The following RNF17 variants were observed in gnomAD, a reference collection of about 807,000 sequenced individuals.
RNF17 encodes spermatogenesis associated 23.
In RNF17, 31 loss-of-function variants were observed where a neutral mutation model predicts 200.5. The ratio of observed to expected loss-of-function variants is 0.15; its 90% CI spans 0.12 to 0.21. RNF17 has a LOEUF of 0.21. RNF17 is among the 10% of genes least tolerant of loss of function. The pLI, the probability that RNF17 is intolerant of heterozygous loss-of-function variation, is 1.00. For missense variants in RNF17, 1,628 were observed against 1,905.1 expected (o/e 0.85, Z 2.71); for synonymous variants, 606 against 637.8 (o/e 0.95, Z 0.75).
intron 1 of RNF17, among the ~76,000 whole-genome samples, chr13:24,765,358 C>T (rs182645650): frequency 1.3e-5 from 2 of 152,316 alleles, no homozygotes; most frequent in East Asian, 3.9e-4. Context: ...TTAGTGTGCT[C>T]TTAATACAGC....
chr13:24,864,798 T>TA, intron 28 of RNF17, 75 bp from the exon 29 acceptor site: 2 of 1,068,626 alleles, frequency 1.9e-6, no homozygotes, highest in South Asian at 2.9e-5. Flanking sequence ...GAAGCTAAAT[T>TA]TGATATTTGC....
At chr13:24,791,313 T>A (rs1422352789) in intron 9 of RNF17, among the ~76,000 whole-genome samples, 4 of 152,084 alleles carry the variant, frequency 2.6e-5, no homozygotes, top group African/African-American at 9.7e-5. Flanking sequence ...GGAAAATTAA[T>A]AAAACTCAGT....
chr13:24,850,057 A>G (rs1158880415), intron 22 of RNF17, among the ~76,000 whole-genome samples: 2 of 152,196 alleles, frequency 1.3e-5, no homozygotes, highest in African/African-American at 2.4e-5. Context: ...AGTATTTAAA[A>G]TATACCTGTT....
chr13:24,873,172 C>T (rs1218140382), intron 32 of RNF17, among the ~76,000 whole-genome samples: 4 of 144,426 alleles, frequency 2.8e-5, no homozygotes, highest in African/African-American at 4.9e-5. Flanking sequence ...TGATGGCCCA[C>T]GCTAGAAGAG....
chr13:24,796,522 T>C (rs1167846823), intron 11 of RNF17, among the ~76,000 whole-genome samples: 1 of 152,170 alleles, frequency 6.6e-6, no homozygotes, highest in Non-Finnish European at 1.5e-5. Context: ...AGAAACTCCA[T>C]TATGTAGTAG....
chr13:24,802,284 C>A, intron 13 of RNF17, 97 bp from the exon 14 acceptor site: 1 of 1,082,632 alleles, frequency 9.2e-7, no homozygotes, highest in Non-Finnish European at 1.3e-6. Flanking sequence ...AGTTTGTTCG[C>A]AGTTGCGTCT....
downstream of RNF17, among the ~76,000 whole-genome samples, chr13:24,880,859 T>TTG (rs1953793584): frequency 6.6e-6 from 1 of 152,226 alleles, no homozygotes; most frequent in Non-Finnish European, 1.5e-5. Flanking sequence ...GCACTTGGTG[T>TTG]CGCCAGACTT....
chr13:24,780,985 C>T (rs1882281761), intron 5 of RNF17, among the ~76,000 whole-genome samples: 1 of 152,036 alleles, frequency 6.6e-6, no homozygotes, highest in Non-Finnish European at 1.5e-5. Flanking sequence ...AATTCATTTC[C>T]ACTATGAGCC....
upstream of RNF17, among the ~76,000 whole-genome samples, chr13:24,761,727 G>A (rs1878759074): frequency 6.6e-6 from 1 of 152,218 alleles, no homozygotes; most frequent in Non-Finnish European, 1.5e-5. Context: ...TGAATGTTAA[G>A]AAGACATTTC....
intron 15 of RNF17, among the ~76,000 whole-genome samples, chr13:24,823,044 G>A (rs1470091518): frequency 6.6e-6 from 1 of 152,110 alleles, no homozygotes; most frequent in African/African-American, 2.4e-5. Context: ...AACTCCCATA[G>A]CTCTTGTTTG....
At chr13:24,772,550 G>A (rs1002589824) in intron 2 of RNF17, among the ~76,000 whole-genome samples, 12 of 150,128 alleles carry the variant, frequency 8.0e-5, no homozygotes, top group African/African-American at 2.9e-4. Flanking sequence ...ACTTCAATCA[G>A]CAGGAAAAGA....
chr13:24,850,523 A>C (rs1258078750), intron 23 of RNF17, 80 bp downstream of exon 23: 2 of 929,266 alleles, frequency 2.2e-6, no homozygotes, highest in African/African-American at 3.3e-5. Flanking sequence ...CTTGTAGAGA[A>C]AATAGCAGCC....
chr13:24,793,477 A>T (rs1434116972), intron 10 of RNF17, 131 bp downstream of exon 10: 3 of 846,710 alleles, frequency 3.5e-6, no homozygotes, highest in Non-Finnish European at 5.3e-6. Context: ...TATGAGTTAA[A>T]ACCTGTTCAT....
chr13:24,848,606 T>G (rs1232183846), intron 22 of RNF17, among the ~76,000 whole-genome samples: 1 of 152,154 alleles, frequency 6.6e-6, no homozygotes, highest in African/African-American at 2.4e-5. Context: ...GAAGTTGCAG[T>G]GAGCCAAGAT....
intron 3 of RNF17, among the ~76,000 whole-genome samples, chr13:24,775,271 CAG>C (rs1181860247): frequency 5.9e-5 from 9 of 152,088 alleles, no homozygotes; most frequent in African/African-American, 2.2e-4. Context: ...TTTTTAAAGA[CAG>C]GGTCTCACTC....
intron 10 of RNF17, 71 bp from the exon 11 acceptor site, chr13:24,796,066 T>G (rs572350882): frequency 1.1e-4 from 131 of 1,204,120 alleles, no homozygotes; most frequent in Admixed American, 1.9e-4. Context: ...GAGGCTATTA[T>G]GGTTGTTCAG....
chr13:24,855,629 T>TAA (rs1043754821), intron 25 of RNF17, among the ~76,000 whole-genome samples: 6 of 142,692 alleles, frequency 4.2e-5, no homozygotes, highest in Non-Finnish European at 7.7e-5. Flanking sequence ...GAGACTCCAT[T>TAA]AAAAAAAAAA....
chr13:24,854,123 T>A lies in RNF17; in HGVS notation c.3589T>A (p.Phe1197Ile). The A allele has an allele frequency of 6.2e-7, 1 of 1,612,710 alleles. No individual in the cohort carries two copies. Residue 1197 changes from phenylalanine (F) to isoleucine (I), a missense_variant, in exon 25 of 36, where the codon TTT becomes ATT. By Grantham distance (21) the Phe-to-Ile change is conservative. Coordinates refer to ENST00000255324, the MANE Select transcript of RNF17 (RefSeq NM_031277.3). ...CTGTGTTGGTGATGATGGAACTATATTTGTAGTACCTAAACTATCAGGTGA... is the reference window on the plus strand; with the variant it reads ...CTGTGTTGGTGATGATGGAACTATAATTGTAGTACCTAAACTATCAGGTGA... ...VSCVGDDGTI[F>I]VVPKLSEFEL...
At chr13:24,768,991 CTTTTTT>C (rs34548311) in intron 2 of RNF17, among the ~76,000 whole-genome samples, 3 of 105,740 alleles carry the variant, frequency 2.8e-5, no homozygotes, top group African/African-American at 6.9e-5. Flanking sequence ...AACCTCTTCC[CTTTTTT>C]TTTTTTTTTT....
Sources: allele counts gnomAD v4.1 joint callset (sites outside exome capture counted in the v4.1 genomes callset), GRCh38; gene constraint gnomAD v4.1.1; transcripts MANE v1.5; gene names NCBI Gene and HGNC (gene_info 2026-07-23, HGNC 2026-07-21).